The following WDR44 variants were observed in gnomAD, a reference collection of about 807,000 sequenced individuals.
WDR44 encodes WD repeat-containing protein 44.
A neutral mutation model predicts 65.7 loss-of-function variants in WDR44; 9 were observed. The ratio of observed to expected loss-of-function variants is 0.14; its 90% confidence interval spans 0.08 to 0.24. The LOEUF (loss-of-function observed/expected upper bound fraction) is 0.24, where lower values mean the gene tolerates loss of function less well. Among genes scored for constraint, WDR44 ranks in the 10% least tolerant of loss-of-function variants. The probability of loss-of-function intolerance (pLI) is 1.00; values close to 1 mark genes in which losing one functional copy is unlikely to be tolerated. For missense variants in WDR44, 425 were observed against 670.9 expected (o/e 0.63, Z 4.05); for synonymous variants, 220 against 235.2 (o/e 0.94, Z 0.59).
Position 118,395,424 on chromosome X carries a change from A to G in WDR44, c.1053+80A>G, listed in dbSNP as rs985650508. The G allele has an allele frequency of 9.2e-6, 7 of 761,292 alleles. No individual in the cohort carries two copies. The Admixed American group carries it at 2.0e-4, about 22-fold the overall frequency. 62.7% of individuals were successfully genotyped at this position (761,292 alleles called of 1,213,427 possible). ...ATGGGAAGATGAAAACGTTCTGGAG[A>G]TGGATGGTAATGATGGTTGCATGAC... On this transcript the variant is annotated intron_variant, in intron 6 of 19. Coordinates refer to ENST00000254029, the MANE Select transcript of WDR44 (RefSeq NM_019045.5).
chrX:118,373,723 G>A (rs1374809610), intron 1 of WDR44, among the ~76,000 whole-genome samples: 1 of 111,268 alleles, frequency 9.0e-6, no homozygotes, highest in Non-Finnish European at 1.9e-5. Context: ...GAGTCAGGCT[G>A]CCTAGGGTCA....
chrX:118,369,195 A>G (rs1283759615), intron 1 of WDR44, among the ~76,000 whole-genome samples: 3 of 111,172 alleles, frequency 2.7e-5, no homozygotes, highest in African/African-American at 6.5e-5. Flanking sequence ...TTTTTGAGAC[A>G]GAGTCTCACT....
chrX:118,392,538 C>G, intron 3 of WDR44, 94 bp from the exon 4 acceptor site: 2 of 728,883 alleles, frequency 2.7e-6, no homozygotes, highest in Non-Finnish European at 4.1e-6. Flanking sequence ...AGAACATTGC[C>G]TGGCACATAC....
chrX:118,378,279 T>C, intron 1 of WDR44, 140 bp from the exon 2 acceptor site: 1 of 497,319 alleles, frequency 2.0e-6, no homozygotes, highest in Non-Finnish European at 3.3e-6. Flanking sequence ...TTTTCCACAT[T>C]TTCTACGTGC....
intron 12 of WDR44, among the ~76,000 whole-genome samples, chrX:118,425,698 A>G (rs776714351): frequency 8.9e-6 from 1 of 112,363 alleles, no homozygotes; most frequent in Non-Finnish European, 1.9e-5. Flanking sequence ...CAAATAAGCA[A>G]TACAGTATAT....
chrX:118,446,956 A>C (rs973379469), intron 19 of WDR44: 1 of 254,077 alleles, frequency 3.9e-6, no homozygotes, highest in African/African-American at 2.9e-5. Context: ...TGCAACGTTG[A>C]ACTCCTGTGC....
chrX:118,433,802 G>A (rs775200038), intron 13 of WDR44, among the ~76,000 whole-genome samples: 14 of 111,368 alleles, frequency 1.3e-4, no homozygotes, highest in Non-Finnish European at 7.5e-5. Flanking sequence ...AGCAATGATC[G>A]TCATCATCAT....
chrX:118,382,354 A>G (rs1036020573), intron 2 of WDR44, among the ~76,000 whole-genome samples: 1 of 112,142 alleles, frequency 8.9e-6, no homozygotes, highest in Non-Finnish European at 1.9e-5. Flanking sequence ...TTAAAATGTC[A>G]AGACATGAGA....
intron 12 of WDR44, among the ~76,000 whole-genome samples, chrX:118,417,818 GT>G (rs1314234910): frequency 8.9e-6 from 1 of 111,802 alleles, no homozygotes; most frequent in Non-Finnish European, 1.9e-5. Context: ...AGGAACATCA[GT>G]TATTCTTAGG....
chrX:118,408,643 C>G (rs968236073), intron 10 of WDR44, among the ~76,000 whole-genome samples: 2 of 111,364 alleles, frequency 1.8e-5, no homozygotes, highest in Non-Finnish European at 1.9e-5. Flanking sequence ...AAGTGATCCA[C>G]CCGCCTGGAC....
At chrX:118,390,932 T>G (rs1206873848) in intron 3 of WDR44, among the ~76,000 whole-genome samples, 1 of 112,213 alleles carries the variant, frequency 8.9e-6, no homozygotes. Context: ...AGCTTACTAA[T>G]TGTGGGACTG....
chrX:118,433,367 T>G (rs2057227520), intron 13 of WDR44, among the ~76,000 whole-genome samples: 1 of 111,099 alleles, frequency 9.0e-6, no homozygotes, highest in Non-Finnish European at 1.9e-5. Flanking sequence ...TATTCCCTTG[T>G]TTCCTTCATG....
chrX:118,383,308 T>TTAGGCCGAGTGCAGTGACACA (rs2087985792), intron 2 of WDR44, among the ~76,000 whole-genome samples: 2 of 111,337 alleles, frequency 1.8e-5, no homozygotes, highest in South Asian at 7.5e-4. Context: ...TTGAAACAAA[T>TTAGGCCGAGTGCAGTGACACA]TAGGCCGAGT....
At chrX:118,446,636 C>G (rs941108158) in intron 19 of WDR44, among the ~76,000 whole-genome samples, 1 of 111,374 alleles carries the variant, frequency 9.0e-6, no homozygotes, top group Non-Finnish European at 1.9e-5. Context: ...CTACTCCACT[C>G]ATGACACTTT....
chrX:118,419,455 C>G (rs1487662272), intron 12 of WDR44, among the ~76,000 whole-genome samples: 1 of 110,020 alleles, frequency 9.1e-6, no homozygotes, highest in East Asian at 3.0e-4. Context: ...TCAGTTTCCC[C>G]AGTGGGGGTG....
At chrX:118,398,594 G>A (rs756958923) in intron 8 of WDR44, 124 bp downstream of exon 8, 1 of 543,977 alleles carries the variant, frequency 1.8e-6, no homozygotes, top group South Asian at 3.4e-5. Context: ...ATTCCTCCCT[G>A]TCCCTCGCTG....
intron 1 of WDR44, among the ~76,000 whole-genome samples, chrX:118,351,168 A>G (rs1170182703): frequency 2.7e-5 from 3 of 112,519 alleles, no homozygotes; most frequent in Admixed American, 1.9e-4. Flanking sequence ...GTGAAAAACA[A>G]TGGCAAAATA....
chrX:118,422,980 G>T (rs1223811044), intron 12 of WDR44, among the ~76,000 whole-genome samples: 1 of 111,137 alleles, frequency 9.0e-6, no homozygotes, highest in African/African-American at 3.3e-5. Flanking sequence ...CTTGAGGTCT[G>T]GGACTATGTC....
intron 1 of WDR44, among the ~76,000 whole-genome samples, chrX:118,368,858 G>A (rs1156614731): frequency 9.6e-6 from 1 of 104,662 alleles, no homozygotes; most frequent in Non-Finnish European, 2.0e-5. Flanking sequence ...CTGGGACTAC[G>A]GGTGTGCACC....
Sources: gnomAD v4.1 joint callset for allele counts (sites outside exome capture counted in the v4.1 genomes callset) on GRCh38, gnomAD v4.1.1 for gene constraint, MANE v1.5 for transcripts, NCBI Gene and HGNC (gene_info 2026-07-23, HGNC 2026-07-21) for gene names.